SASS6: variants seen among roughly 807,000 people sequenced by gnomAD.
SASS6 encodes spindle assembly abnormal protein 6 homolog.
A neutral mutation model predicts 94.9 loss-of-function variants in SASS6; 59 were observed. That is an observed-to-expected ratio of 0.62 (90% CI 0.50 to 0.77). SASS6 has a LOEUF of 0.77. Among genes scored for constraint, SASS6 ranks in the 30% least tolerant of loss-of-function variants. The pLI is 0.00. For synonymous variants in SASS6, 264 were observed against 270.0 expected, an observed-to-expected ratio of 0.98 and a Z score of 0.22; for missense variants, 698 against 734.1, an observed-to-expected ratio of 0.95 and a Z score of 0.57.
chr1:100,085,995 T>C (rs560721101), intron 15 of SASS6, among the ~76,000 whole-genome samples: 3 of 152,214 alleles, frequency 2.0e-5, no homozygotes, highest in Admixed American at 2.0e-4. Context: ...ATAAGATTTC[T>C]TTTTCCTTTG....
chr1:100,120,531 C>T, intron 5 of SASS6, 72 bp from the exon 6 acceptor site: 1 of 699,892 alleles, frequency 1.4e-6, no homozygotes, highest in African/African-American at 1.8e-5. Context: ...CAAAGTATAG[C>T]ATCAGCATCA....
intron 1 of SASS6, among the ~76,000 whole-genome samples, chr1:100,128,275 G>C (rs1404082130): frequency 6.6e-6 from 1 of 152,142 alleles, no homozygotes; most frequent in Non-Finnish European, 1.5e-5. Context: ...GACCTCAAGT[G>C]ATCTGCCCAC....
intron 13 of SASS6, among the ~76,000 whole-genome samples, chr1:100,104,633 T>C (rs888216976): frequency 6.6e-6 from 1 of 152,056 alleles, no homozygotes; most frequent in Admixed American, 6.5e-5. Context: ...CTGAATTATG[T>C]ATTTTTAGTA....
intron 14 of SASS6, among the ~76,000 whole-genome samples, chr1:100,097,110 G>C (rs1652159836): frequency 1.3e-5 from 2 of 152,084 alleles, no homozygotes; most frequent in Admixed American, 6.6e-5. Flanking sequence ...GCAAGACACT[G>C]TCTCAATAAA....
intron 14 of SASS6, among the ~76,000 whole-genome samples, chr1:100,100,940 T>C (rs935414805): frequency 1.3e-5 from 2 of 152,184 alleles, no homozygotes; most frequent in Non-Finnish European, 2.9e-5. Context: ...ACAACTTTCA[T>C]TTACATCCAT....
intron 15 of SASS6, among the ~76,000 whole-genome samples, chr1:100,086,586 A>G (rs1046885658): frequency 1.3e-5 from 2 of 150,118 alleles, no homozygotes; most frequent in Non-Finnish European, 2.9e-5. Flanking sequence ...GACTGATCAT[A>G]GCTTACTACA....
intron 4 of SASS6, among the ~76,000 whole-genome samples, chr1:100,121,978 C>T (rs1345884828): frequency 2.0e-5 from 3 of 152,106 alleles, no homozygotes; most frequent in African/African-American, 7.2e-5. Flanking sequence ...TCATTTTGTT[C>T]TTCCTAATGA....
intron 13 of SASS6, 117 bp from the exon 14 acceptor site, chr1:100,103,200 A>C: frequency 6.3e-6 from 4 of 630,920 alleles, no homozygotes; most frequent in Non-Finnish European, 1.1e-5. Context: ...GCACTATCTC[A>C]GACGCCAGTC....
intron 14 of SASS6, among the ~76,000 whole-genome samples, chr1:100,092,007 CAAAAAAAAAAAAA>C (rs34503110): frequency 6.0e-5 from 3 of 50,048 alleles, no homozygotes; most frequent in Admixed American, 5.5e-4. Flanking sequence ...GACCCTGTCT[CAAAAAAAAAAAAA>C]AAAAAAAAAA....
chr1:100,086,674 C>CTT (rs147519198), intron 15 of SASS6, among the ~76,000 whole-genome samples: 1 of 150,424 alleles, frequency 6.6e-6, no homozygotes, highest in Non-Finnish European at 1.5e-5. Context: ...CCATGTCTGG[C>CTT]TTTTTTTTTG....
intron 7 of SASS6, among the ~76,000 whole-genome samples, chr1:100,117,116 A>G (rs1413259712): frequency 6.6e-6 from 1 of 152,024 alleles, no homozygotes; most frequent in Non-Finnish European, 1.5e-5. Flanking sequence ...CAACATGGTG[A>G]AACCCCGTCT....
intron 1 of SASS6, among the ~76,000 whole-genome samples, chr1:100,130,765 A>C (rs1341485761): frequency 6.6e-6 from 1 of 151,714 alleles, no homozygotes; most frequent in Non-Finnish European, 1.5e-5. Context: ...TCACCAAATT[A>C]TTCTGTAAAG....
intron 5 of SASS6, among the ~76,000 whole-genome samples, 174 bp from the exon 6 acceptor site, chr1:100,120,633 T>C (rs1378221477): frequency 6.6e-6 from 1 of 152,234 alleles, no homozygotes; most frequent in East Asian, 1.9e-4. Context: ...AAGTTTGACA[T>C]GCACTGATCT....
chr1:100,131,286 C>T (rs1267232475), intron 1 of SASS6, among the ~76,000 whole-genome samples: 3 of 151,560 alleles, frequency 2.0e-5, no homozygotes, highest in Non-Finnish European at 4.4e-5. Flanking sequence ...CAAGCTTAGG[C>T]TCAAGCAATC....
At chr1:100,099,590 T>TA (rs1652320234) in intron 14 of SASS6, 1 of 152,168 alleles carries the variant, frequency 6.6e-6, no homozygotes, top group South Asian at 2.1e-4. Context: ...CAAACCAGCT[T>TA]AAAATAGTCT....
intron 14 of SASS6, among the ~76,000 whole-genome samples, chr1:100,090,887 A>G (rs1651627752): frequency 6.6e-6 from 1 of 152,160 alleles, no homozygotes; most frequent in South Asian, 2.1e-4. Context: ...GAGCTGTACG[A>G]ATCTGACCCT....
In SASS6 at chr1:100,118,968, T is replaced by C. The variant is rs530571001; in HGVS notation, c.669+50A>G. The C allele has an allele frequency of 1.7e-5, 23 of 1,357,722 alleles. No homozygotes were observed. The East Asian group carries it at 5.3e-4, about 31-fold the overall frequency. 84.1% of individuals were successfully genotyped at this position (1,357,722 alleles called of 1,614,324 possible). A position where few individuals can be genotyped will look rare whatever the true frequency, so the allele number is the denominator to read the frequency against. On this transcript the variant is annotated intron_variant, in intron 7 of 16. Transcript: ENST00000287482. ...TATATTACTTTTAAAATTAACAAAA[T>C]GACTAACAGCAATAAAAGATATTTT... is the stretch of plus-strand genomic sequence containing the variant.
chr1:100,089,157 A>G (rs1354186798), intron 14 of SASS6, among the ~76,000 whole-genome samples: 1 of 152,160 alleles, frequency 6.6e-6, no homozygotes, highest in Non-Finnish European at 1.5e-5. Context: ...ATTAACAGCA[A>G]ATTATACACT....
At chr1:100,105,042 T>C (rs574711520) in intron 13 of SASS6, among the ~76,000 whole-genome samples, 14 of 152,290 alleles carry the variant, frequency 9.2e-5, no homozygotes, top group Admixed American at 8.5e-4. Flanking sequence ...AGCCTGCTAA[T>C]AGGACTTTTT....
Sources: allele counts gnomAD v4.1 joint callset (sites outside exome capture counted in the v4.1 genomes callset), GRCh38; gene constraint gnomAD v4.1.1; transcripts MANE v1.5; gene names NCBI Gene and HGNC (gene_info 2026-07-23, HGNC 2026-07-21).